The following ARHGAP10 variants were observed in gnomAD, a reference collection of about 807,000 sequenced individuals.
ARHGAP10 encodes the protein rho GTPase-activating protein 10.
In ARHGAP10, 87 loss-of-function variants were observed where a neutral mutation model predicts 108.6. The observed-to-expected ratio is 0.80, with a 90% CI of 0.67 to 0.96. The LOEUF is 0.96. ARHGAP10 is among the 40% of genes least tolerant of loss of function. The probability of loss-of-function intolerance (pLI) is 0.00; values close to 1 mark genes in which losing one functional copy is unlikely to be tolerated. For missense variants in ARHGAP10, 939 were observed against 954.5 expected (o/e 0.98, Z 0.21); for synonymous variants, 347 against 341.1 (o/e 1.02, Z -0.19).
At chr4:148,021,789 A>C (rs1228934612) in intron 18 of ARHGAP10, among the ~76,000 whole-genome samples, 1 of 152,188 alleles carries the variant, frequency 6.6e-6, no homozygotes, top group Non-Finnish European at 1.5e-5. Context: ...AGAGTGGTCT[A>C]TTGGAACACA....
intron 1 of ARHGAP10, among the ~76,000 whole-genome samples, chr4:147,800,794 C>T (rs1731549326): frequency 6.6e-6 from 1 of 152,112 alleles, no homozygotes; most frequent in Non-Finnish European, 1.5e-5. Flanking sequence ...CTGTCTTGTG[C>T]CTTGTCATTC....
intron 18 of ARHGAP10, among the ~76,000 whole-genome samples, chr4:148,003,484 G>T (rs564290394): frequency 1.3e-5 from 2 of 152,090 alleles, no homozygotes; most frequent in African/African-American, 2.4e-5. Context: ...TTTCTGTCTC[G>T]TTGATCTGTC....
chr4:147,986,002 T>G (rs1326050029), intron 18 of ARHGAP10, among the ~76,000 whole-genome samples: 1 of 152,230 alleles, frequency 6.6e-6, no homozygotes, highest in Non-Finnish European at 1.5e-5. Flanking sequence ...GCTGTTGAAG[T>G]GGATTTCCGT....
At chr4:147,798,724 A>C (rs6811189) in intron 1 of ARHGAP10, among the ~76,000 whole-genome samples, 8 of 86,022 alleles carry the variant, frequency 9.3e-5, no homozygotes, top group South Asian at 4.4e-4. Context: ...AGTTTGAGAC[A>C]CTCTCTCTCT....
chr4:147,739,399 G>A (rs1386965726), intron 1 of ARHGAP10, among the ~76,000 whole-genome samples: 2 of 152,186 alleles, frequency 1.3e-5, no homozygotes, highest in Non-Finnish European at 2.9e-5. Context: ...TGATAAGGAA[G>A]AGTTGATGAC....
chr4:147,809,884 C>G (rs1731945956), intron 1 of ARHGAP10, among the ~76,000 whole-genome samples: 2 of 152,084 alleles, frequency 1.3e-5, no homozygotes, highest in Admixed American at 1.3e-4. Flanking sequence ...GCTTGGGGAC[C>G]CCTGCTATAC....
intron 10 of ARHGAP10, among the ~76,000 whole-genome samples, chr4:147,903,100 G>A (rs1407584158): frequency 6.6e-6 from 1 of 152,156 alleles, no homozygotes; most frequent in Non-Finnish European, 1.5e-5. Flanking sequence ...GGGACCCAGA[G>A]CCAAACCATC....
chr4:147,939,823 A>T lies in ARHGAP10; in HGVS notation c.1229-2A>T. On this transcript the variant is annotated splice_acceptor_variant, in intron 13 of 22. Transcript: ENST00000336498. LOFTEE classifies it high-confidence loss of function. ...TTGCTAATAGTTTGTTTCTTCCCAT[A>T]GGTATAAATGACCAAGGATTGTACA... 1.9e-6 allele frequency: 3 copies of T among 1,613,614 alleles called. No homozygotes were observed. The highest frequency in any genetic ancestry group is 2.5e-6 in the Non-Finnish European group (3 of 1,179,542).
intron 1 of ARHGAP10, among the ~76,000 whole-genome samples, chr4:147,739,696 A>G (rs1439495872): frequency 1.3e-5 from 2 of 151,478 alleles, no homozygotes; most frequent in Non-Finnish European, 2.9e-5. Context: ...GCTGTTTTGA[A>G]TTCTGTGACT....
intron 18 of ARHGAP10, among the ~76,000 whole-genome samples, chr4:147,988,953 T>G (rs887584334): frequency 1.3e-5 from 2 of 152,204 alleles, no homozygotes; most frequent in East Asian, 1.9e-4. Flanking sequence ...TTAAATAATG[T>G]AAGATACCCA....
At chr4:147,904,289 A>G (rs1009093626) in intron 10 of ARHGAP10, among the ~76,000 whole-genome samples, 5 of 152,004 alleles carry the variant, frequency 3.3e-5, no homozygotes, top group Non-Finnish European at 7.4e-5. Context: ...TGTGCAGGTT[A>G]GTTACATATG....
chr4:147,879,378 C>G (rs199815485), intron 9 of ARHGAP10, 40 bp downstream of exon 9: 2 of 1,552,378 alleles, frequency 1.3e-6, no homozygotes, highest in South Asian at 1.1e-5. Context: ...TATAATCTGT[C>G]AGAGGTAGTG....
intron 18 of ARHGAP10, among the ~76,000 whole-genome samples, chr4:147,972,384 G>T (rs1007757619): frequency 6.6e-6 from 1 of 152,050 alleles, no homozygotes; most frequent in Non-Finnish European, 1.5e-5. Context: ...CCCTGTATGG[G>T]TGAAAATTCT....
At chr4:147,911,692 C>G (rs1394795247) in intron 12 of ARHGAP10, among the ~76,000 whole-genome samples, 1 of 152,088 alleles carries the variant, frequency 6.6e-6, no homozygotes, top group Non-Finnish European at 1.5e-5. Flanking sequence ...CAAGAATTGT[C>G]ATTCATTAAG....
intron 10 of ARHGAP10, among the ~76,000 whole-genome samples, chr4:147,890,986 G>A (rs956896068): frequency 6.6e-6 from 1 of 152,198 alleles, no homozygotes; most frequent in Admixed American, 6.5e-5. Context: ...AACAAGTACT[G>A]GCAAGAATGT....
At chr4:147,749,452 A>G (rs559184268) in intron 1 of ARHGAP10, among the ~76,000 whole-genome samples, 1 of 152,350 alleles carries the variant, frequency 6.6e-6, no homozygotes, top group East Asian at 1.9e-4. Context: ...AGAAAAACTA[A>G]TTTTTGTGGG....
At chr4:147,820,424 TAC>T (rs1732437177) in intron 1 of ARHGAP10, among the ~76,000 whole-genome samples, 2 of 151,924 alleles carry the variant, frequency 1.3e-5, no homozygotes, top group Admixed American at 6.6e-5. Flanking sequence ...TAGCTGGGAC[TAC>T]AGGCAACCGC....
intron 13 of ARHGAP10, among the ~76,000 whole-genome samples, chr4:147,937,705 C>T (rs775276793): frequency 5.9e-5 from 9 of 152,132 alleles, no homozygotes; most frequent in Admixed American, 2.6e-4. Flanking sequence ...TGGGGTCAGG[C>T]GTATTGGCTC....
chr4:147,847,308 A>G, intron 4 of ARHGAP10, 86 bp downstream of exon 4: 1 of 1,232,758 alleles, frequency 8.1e-7, no homozygotes, highest in South Asian at 1.3e-5. Flanking sequence ...GCAGCTTTGA[A>G]GGAGATGCCG....
Sources: allele counts gnomAD v4.1 joint callset (sites outside exome capture counted in the v4.1 genomes callset), GRCh38; gene constraint gnomAD v4.1.1; transcripts MANE v1.5; gene names NCBI Gene and HGNC (gene_info 2026-07-23, HGNC 2026-07-21).